The following SAMD12 variants were observed in gnomAD, a reference collection of about 807,000 sequenced individuals.
The protein encoded by SAMD12 is sterile alpha motif domain containing 12.
A neutral mutation model predicts 15.0 loss-of-function variants in SAMD12; 9 were observed. That is an observed-to-expected ratio of 0.60 (90% CI 0.36 to 1.05). The LOEUF (loss-of-function observed/expected upper bound fraction) is 1.05. Ranked by LOEUF, SAMD12 falls within the 50% of genes least tolerant of loss-of-function variation. SAMD12 has a pLI of 0.01. For synonymous variants in SAMD12, 86 were observed against 90.1 expected (o/e 0.96, Z 0.25); for missense variants, 230 against 234.2 (o/e 0.98, Z 0.12).
At chr8:118,458,868 C>A (rs531755497) in intron 2 of SAMD12, among the ~76,000 whole-genome samples, 3 of 152,154 alleles carry the variant, frequency 2.0e-5, no homozygotes, top group Admixed American at 2.0e-4. Flanking sequence ...AGTTGAAAAT[C>A]TGTAGATTTA....
chr8:118,574,644 G>A (rs1049084189), intron 2 of SAMD12, among the ~76,000 whole-genome samples: 5 of 152,130 alleles, frequency 3.3e-5, no homozygotes, highest in East Asian at 1.9e-4. Context: ...TTACCTCTTC[G>A]GATATAAGTT....
At chr8:118,318,025 C>T (rs116267412) in intron 4 of SAMD12, among the ~76,000 whole-genome samples, 1,900 of 151,890 alleles carry the variant, frequency 0.013, 39 homozygotes, top group African/African-American at 0.04. Context: ...TAGGAGTGGT[C>T]ATTATTAAAA....
chr8:118,166,805 T>A, the SAMD12 span, among the ~76,000 whole-genome samples: 1 of 152,200 alleles, frequency 6.6e-6, no homozygotes, highest in African/African-American at 2.4e-5. Context: ...TTTCCCTGGC[T>A]TTTCTCTCCT....
intron 4 of SAMD12, among the ~76,000 whole-genome samples, chr8:118,297,838 T>A (rs1814795633): frequency 1.3e-5 from 2 of 152,346 alleles, no homozygotes; most frequent in African/African-American, 4.8e-5. Flanking sequence ...AATAATTTTT[T>A]AAATAATGTA....
the SAMD12 span, among the ~76,000 whole-genome samples, chr8:118,146,257 G>A: frequency 6.6e-6 from 1 of 152,188 alleles, no homozygotes; most frequent in Non-Finnish European, 1.5e-5. Flanking sequence ...TTGTGGGAGA[G>A]AAAGCATGGC....
chr8:118,376,504 C>T (rs79050532), downstream of SAMD12, among the ~76,000 whole-genome samples: 3,591 of 152,174 alleles, frequency 0.024, 57 homozygotes, highest in African/African-American at 0.032. Flanking sequence ...AATCTGCTGG[C>T]GCCCTGATCT....
intron 2 of SAMD12, among the ~76,000 whole-genome samples, chr8:118,493,915 A>C (rs1472365381): frequency 6.6e-6 from 1 of 152,162 alleles, no homozygotes; most frequent in Non-Finnish European, 1.5e-5. Flanking sequence ...TAATAAAACC[A>C]ACCCTAGCCT....
downstream of SAMD12, among the ~76,000 whole-genome samples, chr8:118,377,108 G>A (rs1819427578): frequency 6.6e-6 from 1 of 151,964 alleles, no homozygotes; most frequent in Admixed American, 6.6e-5. Context: ...ATGAGTTTGA[G>A]CATTAACATG....
chr8:118,451,907 G>A (rs1485396517), intron 2 of SAMD12, among the ~76,000 whole-genome samples: 1 of 152,128 alleles, frequency 6.6e-6, no homozygotes, highest in African/African-American at 2.4e-5. Flanking sequence ...TGACAGGGCT[G>A]GTATGGACTG....
chr8:118,169,398 G>T, the SAMD12 span, among the ~76,000 whole-genome samples: 14 of 151,796 alleles, frequency 9.2e-5, no homozygotes, highest in Non-Finnish European at 4.4e-5. Flanking sequence ...GTTTTACCAA[G>T]AATGATACAC....
intron 3 of SAMD12, among the ~76,000 whole-genome samples, chr8:118,396,880 G>A (rs1563827507): frequency 6.6e-6 from 1 of 152,186 alleles, no homozygotes; most frequent in Non-Finnish European, 1.5e-5. Flanking sequence ...GATACTCAGA[G>A]AGGGGAAATT....
intron 2 of SAMD12, among the ~76,000 whole-genome samples, chr8:118,489,136 C>A (rs994609645): frequency 3.3e-5 from 5 of 152,080 alleles, no homozygotes; most frequent in African/African-American, 9.7e-5. Flanking sequence ...CATTTCAATA[C>A]CCCCCTTTTG....
At chr8:118,272,964 A>C (rs983298055) in intron 4 of SAMD12, among the ~76,000 whole-genome samples, 5 of 152,124 alleles carry the variant, frequency 3.3e-5, no homozygotes, top group Non-Finnish European at 7.3e-5. Context: ...CTTCAAATTG[A>C]TCCAACCTCT....
chr8:118,272,201 A>T (rs989100485), intron 4 of SAMD12, among the ~76,000 whole-genome samples: 2 of 152,194 alleles, frequency 1.3e-5, no homozygotes, highest in African/African-American at 4.8e-5. Context: ...ATCTCTGTGT[A>T]CCCACAGGCT....
intron 4 of SAMD12, among the ~76,000 whole-genome samples, chr8:118,243,204 A>G (rs1024844849): frequency 6.6e-6 from 1 of 152,202 alleles, no homozygotes; most frequent in Admixed American, 6.6e-5. Flanking sequence ...ATGAGGTCTT[A>G]GAGCACAATA....
At chr8:118,189,066 C>T (rs1196946387), downstream of SAMD12, among the ~76,000 whole-genome samples, 2 of 152,104 alleles carry the variant, frequency 1.3e-5, no homozygotes, top group Non-Finnish European at 2.9e-5. Flanking sequence ...GAGAGGAAAT[C>T]GGTGGGCCAA....
intron 1 of SAMD12, among the ~76,000 whole-genome samples, chr8:118,601,253 T>G (rs1458037638): frequency 6.6e-6 from 1 of 152,172 alleles, no homozygotes; most frequent in Admixed American, 6.5e-5. Flanking sequence ...TATATTGCAT[T>G]TTTTAAAAAA....
At chr8:118,312,005 TC>T (rs2130394311) in intron 4 of SAMD12, among the ~76,000 whole-genome samples, 1 of 152,290 alleles carries the variant, frequency 6.6e-6, no homozygotes, top group East Asian at 1.9e-4. Flanking sequence ...CTGTGATTCT[TC>T]TCATATTTGG....
At chr8:118,342,587 A>T (rs1817429639) in intron 4 of SAMD12, among the ~76,000 whole-genome samples, 1 of 152,232 alleles carries the variant, frequency 6.6e-6, no homozygotes. Flanking sequence ...GAAATGTAAG[A>T]TGACGATGGA....
Sources: allele counts gnomAD v4.1 joint callset (sites outside exome capture counted in the v4.1 genomes callset), GRCh38; gene constraint gnomAD v4.1.1; transcripts MANE v1.5; gene names NCBI Gene and HGNC (gene_info 2026-07-23, HGNC 2026-07-21).